Variants in CPA6 observed in about 807,000 individuals in gnomAD.
CPA6 encodes the protein carboxypeptidase B.
In CPA6, 58 loss-of-function variants were observed where a neutral mutation model predicts 63.3. The ratio of observed to expected loss-of-function variants is 0.92; its 90% confidence interval spans 0.74 to 1.14. CPA6 has a LOEUF of 1.14. CPA6 is among the 50% of genes most tolerant of loss of function. The pLI, the probability that CPA6 is intolerant of heterozygous loss-of-function variation, is 0.00. For synonymous variants in CPA6, 185 were observed against 179.0 expected (o/e 1.03, Z -0.27); for missense variants, 565 against 526.6 (o/e 1.07, Z -0.71).
chr8:67,424,171 C>T (rs549747688), intron 10 of CPA6, among the ~76,000 whole-genome samples: 1 of 152,272 alleles, frequency 6.6e-6, no homozygotes, highest in South Asian at 2.1e-4. Context: ...GGAAAACAAA[C>T]TCAGGGCTCC....
intron 1 of CPA6, among the ~76,000 whole-genome samples, chr8:67,625,389 T>C (rs947184333): frequency 5.3e-5 from 8 of 152,230 alleles, no homozygotes; most frequent in African/African-American, 1.9e-4. Context: ...GGTCCTGAAT[T>C]ACCTAAGATG....
chr8:67,575,113 G>A (rs988257802), intron 2 of CPA6, among the ~76,000 whole-genome samples: 2 of 152,102 alleles, frequency 1.3e-5, no homozygotes, highest in Non-Finnish European at 2.9e-5. Context: ...CATATGAATG[G>A]CTAACAAATA....
intron 10 of CPA6, 27 bp from the exon 11 acceptor site, chr8:67,422,718 ATC>A: frequency 6.5e-7 from 1 of 1,531,942 alleles, no homozygotes; most frequent in Non-Finnish European, 8.9e-7. Flanking sequence ...AAAAAAAAAG[ATC>A]AGCCTCACTA....
intron 2 of CPA6, among the ~76,000 whole-genome samples, chr8:67,614,144 T>A (rs1814880572): frequency 6.6e-6 from 1 of 152,204 alleles, no homozygotes; most frequent in South Asian, 2.1e-4. Context: ...ACCATTGAGC[T>A]GCAGATGGCA....
At chr8:67,619,098 T>G in intron 2 of CPA6, among the ~76,000 whole-genome samples, 1 of 152,252 alleles carries the variant, frequency 6.6e-6, no homozygotes, top group East Asian at 1.9e-4. Context: ...CCGTTCAACA[T>G]GCACATGCAT....
chr8:67,506,027 C>T (rs1159483224), intron 6 of CPA6, among the ~76,000 whole-genome samples: 1 of 151,764 alleles, frequency 6.6e-6, no homozygotes, highest in African/African-American at 2.4e-5. Context: ...ATGTTTCCCA[C>T]CCCTCAACTG....
At chr8:67,436,252 A>G (rs10957386) in intron 8 of CPA6, among the ~76,000 whole-genome samples, 152,207 of 152,228 alleles carry the variant, frequency 1, 76,093 homozygotes, top group Middle Eastern at 1. Flanking sequence ...GGCGAAGCCG[A>G]TGTCCCTGTT....
chr8:67,629,100 TG>T (rs1299093172), intron 1 of CPA6, among the ~76,000 whole-genome samples: 1 of 151,554 alleles, frequency 6.6e-6, no homozygotes, highest in Non-Finnish European at 1.5e-5. Context: ...GATGACAGAG[TG>T]AGACTCCATC....
At chr8:67,697,164 G>T (rs905319485) in intron 1 of CPA6, among the ~76,000 whole-genome samples, 1 of 152,156 alleles carries the variant, frequency 6.6e-6, no homozygotes, top group African/African-American at 2.4e-5. Context: ...TTGTACTTGT[G>T]GGGGTATGGG....
chr8:67,626,455 A>C (rs973607533), intron 1 of CPA6, among the ~76,000 whole-genome samples: 1 of 152,238 alleles, frequency 6.6e-6, no homozygotes, highest in East Asian at 1.9e-4. Context: ...CTACTCTAAC[A>C]GAACTTTACA....
At chr8:67,614,708 T>C (rs1814900035) in intron 2 of CPA6, among the ~76,000 whole-genome samples, 1 of 152,168 alleles carries the variant, frequency 6.6e-6, no homozygotes, top group Non-Finnish European at 1.5e-5. Context: ...TGCAACTCCA[T>C]CCAGTACATG....
chr8:67,573,478 A>G (rs1813538607), intron 2 of CPA6, among the ~76,000 whole-genome samples: 1 of 152,186 alleles, frequency 6.6e-6, no homozygotes, highest in African/African-American at 2.4e-5. Flanking sequence ...TACATTCACA[A>G]CAAACTTTCT....
intron 2 of CPA6, among the ~76,000 whole-genome samples, chr8:67,519,805 T>C (rs1359272473): frequency 6.6e-6 from 1 of 152,248 alleles, no homozygotes; most frequent in East Asian, 1.9e-4. Context: ...AAACCACATC[T>C]TTTAGGTCTC....
intron 8 of CPA6, among the ~76,000 whole-genome samples, chr8:67,468,542 C>T (rs565314236): frequency 6.6e-5 from 10 of 150,402 alleles, no homozygotes; most frequent in African/African-American, 2.2e-4. Context: ...TCCGAGATCG[C>T]GTCATTGCAC....
chr8:67,678,227 T>TCACACACACACACA (rs1229557199), intron 1 of CPA6, among the ~76,000 whole-genome samples: 37 of 127,644 alleles, frequency 2.9e-4, no homozygotes, highest in South Asian at 2.5e-4. Context: ...AAACTCTGTC[T>TCACACACACACACA]CACACACACA....
rs1452900304 is a variant in CPA6, at chr8:67,568,660, G to T, written c.193-50613C>A. Among the ~76,000 whole-genome samples the T allele has an allele frequency of 3.3e-5, 5 of 152,134 alleles. No individual in the cohort carries two copies. In the East Asian group the frequency reaches 9.6e-4, roughly 29 times the overall value. ...TGAAAAAGATGAAGAAAGCCCATGG[G>T]AATTACGTGACACCATCAAGAGACC... On this transcript the variant is annotated intron_variant, in intron 2 of 10. Coordinates refer to ENST00000297770, the MANE Select transcript of CPA6 (RefSeq NM_020361.5).
At chr8:67,563,755 C>A (rs1430324524) in intron 2 of CPA6, among the ~76,000 whole-genome samples, 3 of 152,182 alleles carry the variant, frequency 2.0e-5, no homozygotes, top group African/African-American at 7.2e-5. Flanking sequence ...CATGCTTTCT[C>A]TTTAAATCTG....
chr8:67,652,367 A>G (rs1241511464), intron 1 of CPA6, among the ~76,000 whole-genome samples: 1 of 152,152 alleles, frequency 6.6e-6, no homozygotes, highest in Non-Finnish European at 1.5e-5. Context: ...CAACAGTGTA[A>G]AATTGTTCCT....
At chr8:67,590,519 G>T (rs1039547793) in intron 2 of CPA6, among the ~76,000 whole-genome samples, 1 of 150,340 alleles carries the variant, frequency 6.7e-6, no homozygotes, top group Non-Finnish European at 1.5e-5. Context: ...GTGTAAAAGT[G>T]TTCCTATTTC....
Sources: allele counts gnomAD v4.1 joint callset (sites outside exome capture counted in the v4.1 genomes callset), GRCh38; gene constraint gnomAD v4.1.1; transcripts MANE v1.5; gene names NCBI Gene and HGNC (gene_info 2026-07-23, HGNC 2026-07-21).